Variants in ARNT observed in about 807,000 individuals in gnomAD.
ARNT encodes the protein class E basic helix-loop-helix protein 2.
A neutral mutation model predicts 105.0 loss-of-function variants in ARNT; 30 were observed. The observed-to-expected ratio is 0.29, with a 90% CI of 0.21 to 0.39. The LOEUF (loss-of-function observed/expected upper bound fraction) is 0.39. ARNT is among the 10% of genes least tolerant of loss of function. The pLI is 1.00. For missense variants in ARNT, 748 were observed against 978.7 expected (o/e 0.76, Z 3.15); for synonymous variants, 304 against 344.0 (o/e 0.88, Z 1.29).
intron 13 of ARNT, among the ~76,000 whole-genome samples, chr1:150,826,140 C>G (rs1299654552): frequency 2.0e-5 from 3 of 152,102 alleles, no homozygotes; most frequent in Non-Finnish European, 4.4e-5. Context: ...GGCTTGAACT[C>G]CTGGCCTCAA....
chr1:150,834,497 T>A, intron 8 of ARNT, 41 bp downstream of exon 8: 1 of 1,586,490 alleles, frequency 6.3e-7, no homozygotes, highest in Non-Finnish European at 8.7e-7. Flanking sequence ...CAGCTCTTGA[T>A]CCTTCCTATA....
intron 1 of ARNT, among the ~76,000 whole-genome samples, chr1:150,867,407 C>T (rs1666784485): frequency 6.6e-6 from 1 of 151,268 alleles, no homozygotes; most frequent in Non-Finnish European, 1.5e-5. Flanking sequence ...GAGATGCAGC[C>T]AGGCACAATG....
chr1:150,857,884 C>T (rs1264086164), intron 2 of ARNT, among the ~76,000 whole-genome samples: 2 of 152,150 alleles, frequency 1.3e-5, no homozygotes, highest in African/African-American at 4.8e-5. Flanking sequence ...AATGCCATAA[C>T]ACTAATTAGG....
At position 150,811,596 on chromosome 1, in the gene ARNT, A is replaced by G. The variant is rs1654746555; in HGVS notation, c.*425T>C. ...GCCCCATATATACCTACAATGTTTC[A>G]TGGTCCTCAAATATGAGGACATTTC... On this transcript the variant is annotated 3_prime_UTR_variant, in exon 22 of 22. Coordinates refer to ENST00000358595, the MANE Select transcript of ARNT (RefSeq NM_001668.4). The G allele has an allele frequency of 8.6e-6, 2 of 233,794 alleles. No individual in the cohort carries two copies. Among genetic ancestry groups the G allele is most frequent in the South Asian group, 3.6e-4 (2 of 5,534 alleles). The allele number at this position is 233,794 out of a possible 1,614,324, so 14.5% of individuals were successfully genotyped here. A position where few individuals can be genotyped will look rare whatever the true frequency, so the allele number is the denominator to read the frequency against.
rs587769564 is a variant in ARNT at position 150,850,541 on chromosome 1, C to T, written c.182+2221G>A. On this transcript the variant is annotated intron_variant, in intron 3 of 21. Coordinates refer to ENST00000358595, the MANE Select transcript of ARNT (RefSeq NM_001668.4). ...GTGAGTGATCCGCCAGCCTCGGCCT[C>T]CCGAGGTGCCGGGATTGCAGACTGA... Among the ~76,000 whole-genome samples, 450 of 152,370 alleles carry T rather than the reference C, an allele frequency of 3.0e-3. 24 individuals carry two copies. The South Asian group carries it at 0.091, about 31-fold the overall frequency.
Position 150,810,268 on chromosome 1 carries a change from C to T in ARNT, c.*1753G>A, listed in dbSNP as rs1278219022. 3.4e-5 allele frequency: 8 copies of T among 232,874 alleles called. No individual in the cohort carries two copies. In the East Asian group the frequency reaches 4.8e-4, roughly 14 times the overall value. 14.4% of individuals were successfully genotyped at this position (232,874 alleles called of 1,614,324 possible). A position where few individuals can be genotyped will look rare whatever the true frequency, so the allele number is the denominator to read the frequency against. On this transcript the variant is annotated 3_prime_UTR_variant, in exon 22 of 22. Transcript: ENST00000358595. ...AAACAAAACCCCCAGAGCATCTTCT[C>T]GCTATCCTCCCCTTCCCCAAAAGCC...
At chr1:150,850,957 C>T (rs1336681155) in intron 3 of ARNT, among the ~76,000 whole-genome samples, 1 of 143,360 alleles carries the variant, frequency 7.0e-6, no homozygotes, top group Non-Finnish European at 1.5e-5. Flanking sequence ...GGTGAGGAGC[C>T]CCTCCGCCCG....
chr1:150,830,118 G>A, intron 10 of ARNT, 138 bp from the exon 11 acceptor site: 1 of 890,266 alleles, frequency 1.1e-6, no homozygotes, highest in Admixed American at 2.5e-5. Context: ...CAACACTTTG[G>A]GAAGCCAAGG....
chr1:150,839,508 T>C lies in ARNT; in HGVS notation c.419A>G (p.Lys140Arg), dbSNP rs771390470. The stretch of plus-strand genomic sequence containing the variant: ...TGTGTTGCCAGTTCCCCGCAAGGAC[T>C]TCATGTGAGAAACTGCCATGCGTAA... ...TILRMAVSHM[K>R]SLRGTGNTST... is the part of the protein sequence containing the mutation. The change falls in exon 6 of 22, where the codon AAG becomes AGG. Residue 140 changes from lysine to arginine, a missense_variant. Physicochemically the swap from Lys to Arg is conservative, Grantham distance 26 (BLOSUM62 2). Around this residue, in one of 4 missense-constraint regions of ARNT, gnomAD observed 291 missense variants for 444.6 expected, o/e 0.65. Transcript: ENST00000358595. The C allele has an allele frequency of 5.8e-5, 93 of 1,614,088 alleles. No individual in the cohort carries two copies. Among genetic ancestry groups the C allele is most frequent in the Non-Finnish European group, 7.5e-5 (89 of 1,180,038 alleles).
intron 10 of ARNT, chr1:150,831,505 G>T (rs1475757211): frequency 4.2e-6 from 1 of 240,370 alleles, no homozygotes. Context: ...CAAATTAACT[G>T]CATTCAATGT....
chr1:150,843,472 G>T (rs1168824120), intron 4 of ARNT, among the ~76,000 whole-genome samples: 4 of 152,106 alleles, frequency 2.6e-5, no homozygotes, highest in Non-Finnish European at 5.9e-5. Flanking sequence ...CAATATATGG[G>T]AATGTTTTTA....
At chr1:150,872,726 C>T (rs1667645794) in intron 1 of ARNT, among the ~76,000 whole-genome samples, 1 of 152,056 alleles carries the variant, frequency 6.6e-6, no homozygotes, top group African/African-American at 2.4e-5. Context: ...TTGGGGAGTG[C>T]CCAACGCAGG....
chr1:150,874,152 A>C (rs1667911187), intron 1 of ARNT, among the ~76,000 whole-genome samples: 1 of 152,074 alleles, frequency 6.6e-6, no homozygotes, highest in Admixed American at 6.6e-5. Context: ...TGTAGCAAAG[A>C]ATTCTGACCT....
intron 4 of ARNT, among the ~76,000 whole-genome samples, chr1:150,845,164 T>A (rs1380656652): frequency 1.3e-5 from 2 of 152,038 alleles, no homozygotes; most frequent in African/African-American, 4.8e-5. Context: ...GCTATGCATA[T>A]AATCCCAATA....
intron 1 of ARNT, among the ~76,000 whole-genome samples, chr1:150,860,069 C>G (rs1557949581): frequency 6.6e-6 from 1 of 151,494 alleles, no homozygotes; most frequent in Admixed American, 6.6e-5. Context: ...TCAACTTGCT[C>G]GTCATTTCAA....
intron 13 of ARNT, among the ~76,000 whole-genome samples, chr1:150,824,458 CTTT>C (rs923773809): frequency 2.9e-5 from 4 of 138,546 alleles, no homozygotes; most frequent in Non-Finnish European, 3.2e-5. Context: ...TTTTCTTTTT[CTTT>C]TTTTTTTTTT....
At chr1:150,840,215 T>C (rs1031324363) in intron 5 of ARNT, among the ~76,000 whole-genome samples, 1 of 151,430 alleles carries the variant, frequency 6.6e-6, no homozygotes, top group Admixed American at 6.6e-5. Context: ...CACTTCAGCC[T>C]GGGTGGCAGA....
chr1:150,872,437 G>A (rs915784198), intron 1 of ARNT, among the ~76,000 whole-genome samples: 30 of 152,042 alleles, frequency 2.0e-4, no homozygotes, highest in African/African-American at 6.3e-4. Context: ...AAACCCAAAC[G>A]GTATTACCCT....
intron 2 of ARNT, among the ~76,000 whole-genome samples, chr1:150,856,019 A>G (rs1664540943): frequency 6.6e-6 from 1 of 152,252 alleles, no homozygotes. Context: ...ATGTAAAACT[A>G]TATAATTACA....
Sources: gnomAD v4.1 joint callset for allele counts (sites outside exome capture counted in the v4.1 genomes callset) on GRCh38, gnomAD v4.1.1 for gene constraint, gnomAD v4.1.1 regional missense constraint, MANE v1.5 for transcripts, NCBI Gene and HGNC (gene_info 2026-07-23, HGNC 2026-07-21) for gene names.